LZIC: variants seen among roughly 807,000 people sequenced by gnomAD.
The protein encoded by LZIC is protein LZIC.
A neutral mutation model predicts 25.4 loss-of-function variants in LZIC; 28 were observed. That is an observed-to-expected ratio of 1.10 (90% CI 0.82 to 1.51). The LOEUF (loss-of-function observed/expected upper bound fraction) is 1.51. Among genes scored for constraint, LZIC ranks in the 40% most tolerant of loss-of-function variants. The pLI, the probability that LZIC is intolerant of heterozygous loss-of-function variation, is 0.00. For missense variants in LZIC, 170 were observed against 211.1 expected (o/e 0.81, Z 1.21); for synonymous variants, 65 against 70.7 (o/e 0.92, Z 0.40).
chr1:9,935,552 T>A lies in LZIC; in HGVS notation c.177A>T (p.Ser59=). 6.2e-7 allele frequency: 1 copy of A among 1,612,754 alleles called. No homozygotes were observed. The highest frequency in any genetic ancestry group is 8.5e-7 in the Non-Finnish European group (1 of 1,179,570). Residue 59 remains serine, a synonymous_variant, in exon 4 of 8, where the codon TCA becomes TCT. Coordinates refer to ENST00000377223, the MANE Select transcript of LZIC (RefSeq NM_032368.5). ...TATTTCCAGACATAATTTTCTTTAGTGAATCATTAAATTCACTTAGTTGCT... is the reference window on the plus strand; with the variant it reads ...TATTTCCAGACATAATTTTCTTTAGAGAATCATTAAATTCACTTAGTTGCT... ...TLEQLSEFND[S]LKKIMSGNMT...
chr1:9,938,116 ACACTCC>A (rs899461292), intron 2 of LZIC, among the ~76,000 whole-genome samples: 3 of 152,190 alleles, frequency 2.0e-5, no homozygotes, highest in African/African-American at 7.2e-5. Flanking sequence ...ATAGCCCCAA[ACACTCC>A]AGATATTATC....
rs1640122295 is a variant in LZIC, at chr1:9,929,489, C to T, written c.*910G>A. On this transcript the variant is annotated 3_prime_UTR_variant, in exon 8 of 8. Coordinates refer to ENST00000377223, the MANE Select transcript of LZIC (RefSeq NM_032368.5). ...TAACTTATTTTGTGTTTCTCCAAAA[C>T]CTGAAGAGTAGATAACAGCTGACAG... 5.1e-6 allele frequency: 5 copies of T among 985,246 alleles called. No individual in the cohort carries two copies. The highest frequency in any genetic ancestry group is 6.0e-6 in the Non-Finnish European group (5 of 829,908). 61.0% of individuals were successfully genotyped at this position (985,246 alleles called of 1,614,324 possible).
downstream of LZIC, chr1:9,922,355 C>T (rs1161758129): frequency 5.1e-6 from 5 of 983,376 alleles, no homozygotes; most frequent in South Asian, 1.4e-4. Flanking sequence ...ACTTGGGGGC[C>T]GTCCTGGGGA....
chr1:9,942,834 T>C, intron 1 of LZIC, 52 bp from the exon 2 acceptor site: 1 of 544,350 alleles, frequency 1.8e-6, no homozygotes, highest in Non-Finnish European at 3.2e-6. Flanking sequence ...TATATAAACT[T>C]GCCCTAAGGC....
Position 9,938,721 on chromosome 1 carries a change from G to C in LZIC, c.-8-2094C>G, listed in dbSNP as rs890876482. Among the ~76,000 whole-genome samples the C allele has an allele frequency of 2.0e-5, 3 of 152,150 alleles. No homozygotes were observed. The South Asian group carries it at 6.2e-4, about 32-fold the overall frequency. On this transcript the variant is annotated intron_variant, in intron 2 of 7. Transcript: ENST00000377223. ...CTAAATTTTATGTTTTTTTGTCATGGCAAATTATTATTTTTTAATAGACAA... is the reference window on the plus strand; with the variant it reads ...CTAAATTTTATGTTTTTTTGTCATGCCAAATTATTATTTTTTAATAGACAA...
intron 5 of LZIC, among the ~76,000 whole-genome samples, chr1:9,933,797 C>T (rs1012264952): frequency 6.6e-6 from 1 of 151,814 alleles, no homozygotes; most frequent in Non-Finnish European, 1.5e-5. Context: ...GGCCCAGATA[C>T]TTGAGGGGCT....
intron 5 of LZIC, among the ~76,000 whole-genome samples, chr1:9,933,148 A>G (rs1640300247): frequency 6.7e-6 from 1 of 149,946 alleles, no homozygotes; most frequent in South Asian, 2.1e-4. Context: ...CCAGCTACTC[A>G]GGAGGCTGAG....
chr1:9,932,984 G>T, intron 5 of LZIC, 86 bp from the exon 6 acceptor site: 1 of 880,870 alleles, frequency 1.1e-6, no homozygotes, highest in Non-Finnish European at 1.9e-6. Flanking sequence ...AGGCGCAGTG[G>T]CTCACGCCTA....
intron 4 of LZIC, among the ~76,000 whole-genome samples, 177 bp downstream of exon 4, chr1:9,935,315 C>T (rs1340278910): frequency 1.3e-5 from 2 of 152,160 alleles, no homozygotes; most frequent in Non-Finnish European, 2.9e-5. Flanking sequence ...GTAATCCCAG[C>T]TCCTCAGGAG....
chr1:9,943,019 G>A (rs374679687), intron 1 of LZIC: 12 of 325,336 alleles, frequency 3.7e-5, no homozygotes, highest in African/African-American at 2.6e-4. Flanking sequence ...CCAGAGGCTT[G>A]GAAAAGGTAA....
chr1:9,937,924 A>G (rs1570647645), intron 2 of LZIC, among the ~76,000 whole-genome samples: 3 of 152,032 alleles, frequency 2.0e-5, no homozygotes, highest in East Asian at 3.9e-4. Flanking sequence ...TTTAGATATA[A>G]AAGTTTAAAC....
downstream of LZIC, among the ~76,000 whole-genome samples, chr1:9,922,688 T>G (rs1639892129): frequency 1.3e-5 from 2 of 152,226 alleles, no homozygotes. Flanking sequence ...AGAAGCACGT[T>G]CTTAGGAAAG....
intron 2 of LZIC, among the ~76,000 whole-genome samples, chr1:9,937,656 G>A (rs1272570978): frequency 2.0e-5 from 3 of 151,770 alleles, no homozygotes; most frequent in Non-Finnish European, 4.4e-5. Context: ...AGACCAGCCT[G>A]GCCAATATAG....
In LZIC at chr1:9,934,743, C is replaced by T. The variant is rs1273218551; in HGVS notation, c.336+19G>A. The T allele has an allele frequency of 4.4e-6, 7 of 1,599,316 alleles. No individual in the cohort carries two copies. In the African/African-American group the frequency reaches 5.4e-5, roughly 12 times the overall value. On this transcript the variant is annotated intron_variant, in intron 5 of 7. Coordinates refer to ENST00000377223, the MANE Select transcript of LZIC (RefSeq NM_032368.5). ...AATGAAAAACACACAGCAACCAAAT[C>T]AATTTAAAGAAATTTTACCTCTGCT...
At chr1:9,938,283 T>A (rs544072988) in intron 2 of LZIC, among the ~76,000 whole-genome samples, 9 of 152,202 alleles carry the variant, frequency 5.9e-5, no homozygotes, top group African/African-American at 2.2e-4. Flanking sequence ...TCTTCCCACC[T>A]CTGCCTCCTG....
At chr1:9,923,648 TG>T (rs1639913362), downstream of LZIC, among the ~76,000 whole-genome samples, 1 of 150,930 alleles carries the variant, frequency 6.6e-6, no homozygotes, top group African/African-American at 2.4e-5. Flanking sequence ...ATTTTTGAAA[TG>T]CATATTTTAA....
At chr1:9,940,305 T>G (rs969136275) in intron 2 of LZIC, among the ~76,000 whole-genome samples, 4 of 151,900 alleles carry the variant, frequency 2.6e-5, no homozygotes, top group African/African-American at 9.7e-5. Context: ...GCCTCCCGAG[T>G]AGCTAGGACT....
In LZIC at chr1:9,930,134, T is replaced by C. The variant is rs1640146440; in HGVS notation, c.*265A>G. ...AAAATCAAGTCCACTTTGTTTTCTCTCTTAAACAGACAAATCATAACGAAC... is the reference window on the plus strand; with the variant it reads ...AAAATCAAGTCCACTTTGTTTTCTCCCTTAAACAGACAAATCATAACGAAC... On this transcript the variant is annotated 3_prime_UTR_variant, in exon 8 of 8. Transcript: ENST00000377223. 8.3e-7 allele frequency: 1 copy of C among 1,210,978 alleles called. No homozygotes were observed. The highest frequency in any genetic ancestry group is 1.0e-6 in the Non-Finnish European group (1 of 967,814). The allele number at this position is 1,210,978 out of a possible 1,614,324, so 75.0% of individuals were successfully genotyped here.
rs1557430748 is a variant in LZIC, at chr1:9,927,484, T to TA, written c.*2914dup. Among the ~76,000 whole-genome samples the TA allele has an allele frequency of 6.6e-6, 1 of 150,696 alleles. No homozygotes were observed. Among genetic ancestry groups the TA allele is most frequent in the Non-Finnish European group, 1.5e-5 (1 of 67,576 alleles). ...GCCTGGCTAATTTTTTTTTTTTTTT[T>TA]AGAGACAGGGTTTCACCATGTTGGC... On this transcript the variant is annotated 3_prime_UTR_variant, in exon 8 of 8. Transcript: ENST00000377223.
Sources: gnomAD v4.1 joint callset for allele counts (sites outside exome capture counted in the v4.1 genomes callset) on GRCh38, gnomAD v4.1.1 for gene constraint, MANE v1.5 for transcripts, NCBI Gene and HGNC (gene_info 2026-07-23, HGNC 2026-07-21) for gene names.